The following MED23 variants were observed in gnomAD, a reference collection of about 807,000 sequenced individuals.
The protein encoded by MED23 is mediator of RNA polymerase II transcription subunit 23.
In MED23, 105 loss-of-function variants were observed where a neutral mutation model predicts 163.9. That is an observed-to-expected ratio of 0.64 (90% CI 0.55 to 0.75). MED23 has a LOEUF of 0.75. Among genes scored for constraint, MED23 ranks in the 30% least tolerant of loss-of-function variants. MED23 has a pLI of 0.00. For missense variants in MED23, 1,054 were observed against 1,649.0 expected, an observed-to-expected ratio of 0.64 and a Z score of 6.25; for synonymous variants, 561 against 565.6, an observed-to-expected ratio of 0.99 and a Z score of 0.12.
chr6:131,585,578 A>C (rs1379803717), downstream of MED23, among the ~76,000 whole-genome samples: 1 of 152,226 alleles, frequency 6.6e-6, no homozygotes, highest in Non-Finnish European at 1.5e-5. Context: ...TAAAAAATTC[A>C]GTTCCACATT....
rs755731826 is a variant in MED23, at chr6:131,600,030, C to T, written c.2220+8G>A. 1 of 1,613,916 alleles carries T rather than the reference C, an allele frequency of 6.2e-7. No homozygotes were observed. The highest frequency in any genetic ancestry group is 2.2e-5 in the East Asian group (1 of 44,856). On this transcript the variant is annotated splice_region_variant and intron_variant, in intron 18 of 28. Coordinates refer to ENST00000368068, the MANE Select transcript of MED23 (RefSeq NM_004830.4). The stretch of plus-strand genomic sequence containing the variant: ...GTGCATTCAATAAGTAATTCAAGAC[C>T]AAATTACCTGTAGTGGGCCTGGAAA...
At chr6:131,625,602 T>A (rs1585580195) in intron 3 of MED23, among the ~76,000 whole-genome samples, 1 of 152,236 alleles carries the variant, frequency 6.6e-6, no homozygotes, top group East Asian at 1.9e-4. Flanking sequence ...ACTTCTATTG[T>A]GGCACATATA....
chr6:131,615,925 C>T lies in MED23; in HGVS notation c.858G>A (p.Met286Ile). 1 of 1,612,966 alleles carries T rather than the reference C, an allele frequency of 6.2e-7. No homozygotes were observed. The highest frequency in any genetic ancestry group is 8.5e-7 in the Non-Finnish European group (1 of 1,179,092). ...QPYSRDMVCN[M>I]LGLNKQHKQR... Reference sequence around the variant, plus strand: ...ACAGTACCTGCTTATTTAAACCTAGCATATTGCAGACCATATCCCTGGAAT... The same window carrying T: ...ACAGTACCTGCTTATTTAAACCTAGTATATTGCAGACCATATCCCTGGAAT... Residue 286 changes from methionine (M) to isoleucine (I), a missense_variant, in exon 10 of 29, where the codon ATG becomes ATA. By Grantham distance (10) the Met-to-Ile change is conservative. Coordinates refer to ENST00000368068, the MANE Select transcript of MED23 (RefSeq NM_004830.4).
intron 28 of MED23, among the ~76,000 whole-genome samples, chr6:131,588,302 T>A (rs1247134353): frequency 6.6e-6 from 1 of 152,208 alleles, no homozygotes; most frequent in Admixed American, 6.5e-5. Context: ...AACATTTATC[T>A]ATAAAACTAT....
chr6:131,607,817 T>A, intron 12 of MED23, 111 bp downstream of exon 12: 2 of 1,211,888 alleles, frequency 1.7e-6, no homozygotes. Flanking sequence ...CATTCAATTG[T>A]GATTTAGCAT....
Position 131,624,847 on chromosome 6 carries a change from C to A in MED23, c.284+18G>T. 1 of 1,613,424 alleles carries A rather than the reference C, an allele frequency of 6.2e-7. No homozygotes were observed. Among genetic ancestry groups the A allele is most frequent in the South Asian group, 1.1e-5 (1 of 91,066 alleles). On this transcript the variant is annotated intron_variant, in intron 4 of 28. Transcript: ENST00000368068. ...AGAAAAGAAAATTCTTCAGATTGCT[C>A]ATACCCATTAAACGTACCTGGGTGG...
At position 131,603,739 on chromosome 6, in the gene MED23, T is replaced by A. The variant is rs1297481594; in HGVS notation, c.1756+439A>T. 2.0e-5 allele frequency among the ~76,000 whole-genome samples: 3 copies of A among 148,112 alleles called. No homozygotes were observed. The East Asian group carries it at 5.8e-4, about 28-fold the overall frequency. Reference sequence around the variant, plus strand: ...TTCTATATCAGAAAGTATCTATTATTTTAGAACTATATAATAAATGAGACA... The same window carrying A: ...TTCTATATCAGAAAGTATCTATTATATTAGAACTATATAATAAATGAGACA... On this transcript the variant is annotated intron_variant, in intron 15 of 28. Coordinates refer to ENST00000368068, the MANE Select transcript of MED23 (RefSeq NM_004830.4).
At position 131,587,519 on chromosome 6, in the gene MED23, A is replaced by C; in HGVS notation, c.*160T>G. 4 of 1,474,798 alleles carry C rather than the reference A, an allele frequency of 2.7e-6. No homozygotes were observed. Among genetic ancestry groups the C allele is most frequent in the Non-Finnish European group, 3.6e-6 (4 of 1,115,000 alleles). 91.4% of individuals were successfully genotyped at this position (1,474,798 alleles called of 1,614,324 possible). A position where few individuals can be genotyped will look rare whatever the true frequency, so the allele number is the denominator to read the frequency against. ...TATAGATAGGGAGATGGGAGTTATAAGGTGTCAACAGATTCATCATTTGAA... is the reference window on the plus strand; with the variant it reads ...TATAGATAGGGAGATGGGAGTTATACGGTGTCAACAGATTCATCATTTGAA... On this transcript the variant is annotated 3_prime_UTR_variant, in exon 29 of 29. Transcript: ENST00000368068.
intron 27 of MED23, 31 bp downstream of exon 27, chr6:131,590,291 C>T: frequency 6.3e-7 from 1 of 1,593,964 alleles, no homozygotes; most frequent in Non-Finnish European, 8.6e-7. Flanking sequence ...AGAATTTAAT[C>T]ATGTCACAGG....
chr6:131,625,865 G>A (rs930606780), intron 3 of MED23, among the ~76,000 whole-genome samples: 6 of 152,044 alleles, frequency 3.9e-5, no homozygotes, highest in Non-Finnish European at 8.8e-5. Flanking sequence ...GCTCATGCCT[G>A]TAATCCCAGC....
At chr6:131,583,685 C>T, downstream of MED23, 2 of 1,579,104 alleles carry the variant, frequency 1.3e-6, no homozygotes, top group Non-Finnish European at 1.7e-6. Flanking sequence ...TCTGTCTGTA[C>T]TACTTTCAAA....
chr6:131,594,829 C>A (rs1183343439), intron 22 of MED23, among the ~76,000 whole-genome samples: 1 of 146,154 alleles, frequency 6.8e-6, no homozygotes, highest in Non-Finnish European at 1.5e-5. Flanking sequence ...AACAAACAAA[C>A]AAACAAACAA....
chr6:131,619,793 G>A, intron 8 of MED23, 34 bp downstream of exon 8: 2 of 1,440,564 alleles, frequency 1.4e-6, no homozygotes, highest in Non-Finnish European at 2.0e-6. Flanking sequence ...TAAAAATCAG[G>A]TACTATTTGG....
chr6:131,589,468 C>G lies in MED23; in HGVS notation c.3936G>C (p.Glu1312Asp). The stretch of plus-strand genomic sequence containing the variant: ...TAATTAAACAAATTCAACTTACTTG[C>G]TCTTTCACGCTGTCACCAGTAAACA... ...KYMFTGDSVK[E>D]QVEKIICNLK... The change falls in exon 28 of 29, where the codon GAG (glutamate) becomes GAC (aspartate). Residue 1312 changes from glutamate to aspartate, a missense_variant. Coordinates refer to ENST00000368068, the MANE Select transcript of MED23 (RefSeq NM_004830.4). The G allele has an allele frequency of 6.2e-7, 1 of 1,612,862 alleles. No individual in the cohort carries two copies. The highest frequency in any genetic ancestry group is 8.5e-7 in the Non-Finnish European group (1 of 1,179,290).
At chr6:131,581,257 A>T (rs1773907667) in intron 30 of MED23, 2 of 1,613,744 alleles carry the variant, frequency 1.2e-6, no homozygotes, top group Non-Finnish European at 1.7e-6. Flanking sequence ...GCCAGGGTCC[A>T]CCCTGATCTT....
At chr6:131,613,072 G>A (rs1423077695) in intron 10 of MED23, among the ~76,000 whole-genome samples, 5 of 146,346 alleles carry the variant, frequency 3.4e-5, no homozygotes, top group Non-Finnish European at 7.6e-5. Flanking sequence ...CATATTCTCT[G>A]CTTTAACCAA....
At chr6:131,583,972 T>C, downstream of MED23, 3 of 1,567,338 alleles carry the variant, frequency 1.9e-6, no homozygotes, top group Non-Finnish European at 2.6e-6. Context: ...ATCATTTTCT[T>C]AAGCATAGAG....
intron 11 of MED23, among the ~76,000 whole-genome samples, chr6:131,609,017 T>C (rs1184641847): frequency 6.6e-6 from 1 of 152,196 alleles, no homozygotes; most frequent in African/African-American, 2.4e-5. Flanking sequence ...AGTCACCTAG[T>C]CCTATTCCAC....
Position 131,589,524 on chromosome 6 carries a change from T to C in MED23, c.3880A>G (p.Ile1294Val). 1 of 1,613,818 alleles carries C rather than the reference T, an allele frequency of 6.2e-7. No homozygotes were observed. The change falls in exon 28 of 29, where the codon ATC becomes GTC. Residue 1294 changes from isoleucine (I) to valine (V), a missense_variant. Physicochemically the swap from Ile to Val is conservative, Grantham distance 29. This residue lies in a region of MED23 where 362 missense variants were observed against 471.6 expected (regional missense o/e 0.77). Transcript: ENST00000368068. ...CSTHLNYMDP[I>V]CDFLYHMKYM... ...TTCATGTGATAGAGGAAGTCACAGA[T>C]GGGATCCATGTAATTTAAATGGGTG...
Sources: allele counts gnomAD v4.1 joint callset (sites outside exome capture counted in the v4.1 genomes callset), GRCh38; gene constraint gnomAD v4.1.1; regional missense constraint gnomAD v4.1.1; transcripts MANE v1.5; gene names NCBI Gene and HGNC (gene_info 2026-07-23, HGNC 2026-07-21).